The following SLC12A8 variants were observed in gnomAD, a reference collection of about 807,000 sequenced individuals.
The protein encoded by SLC12A8 is solute carrier family 12 member 8, also known as cation-chloride cotransporter 9.
SLC12A8 carries 69 observed loss-of-function variants against 75.6 expected under a neutral mutation model. The observed-to-expected ratio is 0.91, with a 90% CI of 0.75 to 1.11. The LOEUF (loss-of-function observed/expected upper bound fraction) is 1.11. SLC12A8 is among the 50% of genes most tolerant of loss of function. SLC12A8 has a pLI of 0.00. For missense variants in SLC12A8, 877 were observed against 896.7 expected, an observed-to-expected ratio of 0.98 and a Z score of 0.28; for synonymous variants, 365 against 372.8, an observed-to-expected ratio of 0.98 and a Z score of 0.24.
intron 5 of SLC12A8, among the ~76,000 whole-genome samples, chr3:125,173,357 G>T (rs972535171): frequency 6.9e-6 from 1 of 144,170 alleles, no homozygotes; most frequent in Admixed American, 7.4e-5. Flanking sequence ...CACAAATACA[G>T]TCAACTGATA....
intron 8 of SLC12A8, chr3:125,110,557 A>C: frequency 1.4e-5 from 5 of 361,520 alleles, no homozygotes; most frequent in East Asian, 4.3e-5. Flanking sequence ...TGGTCCTCAA[A>C]TGAAGCGTCT....
chr3:125,183,965 T>TTTATTATTA (rs59595900), intron 4 of SLC12A8, among the ~76,000 whole-genome samples: 3 of 150,660 alleles, frequency 2.0e-5, no homozygotes, highest in Non-Finnish European at 4.4e-5. Flanking sequence ...TGTTTTACTT[T>TTTATTATTA]TTATTATTAT....
At chr3:125,190,785 A>G (rs1056138918) in intron 2 of SLC12A8, among the ~76,000 whole-genome samples, 3 of 152,242 alleles carry the variant, frequency 2.0e-5, no homozygotes, top group African/African-American at 7.2e-5. Context: ...GCAGAGACTC[A>G]TTATTCACAA....
At chr3:125,124,526 C>T (rs1047210657) in intron 6 of SLC12A8, among the ~76,000 whole-genome samples, 5 of 152,274 alleles carry the variant, frequency 3.3e-5, no homozygotes, top group Middle Eastern at 6.8e-3. Context: ...GGGGTTTCAC[C>T]ATGTTGGCCA....
intron 13 of SLC12A8, among the ~76,000 whole-genome samples, chr3:125,084,868 T>C (rs1055885324): frequency 1.3e-5 from 2 of 152,240 alleles, no homozygotes; most frequent in African/African-American, 4.8e-5. Flanking sequence ...CTGTAAGTCA[T>C]ACCTTAGACA....
intron 5 of SLC12A8, among the ~76,000 whole-genome samples, chr3:125,173,766 G>C (rs532388344): frequency 1.3e-5 from 2 of 152,316 alleles, no homozygotes; most frequent in East Asian, 3.9e-4. Context: ...CTGATAAAGG[G>C]TTTGAATCCA....
At chr3:125,146,164 A>G (rs968736595) in intron 5 of SLC12A8, among the ~76,000 whole-genome samples, 2 of 152,166 alleles carry the variant, frequency 1.3e-5, no homozygotes, top group African/African-American at 4.8e-5. Flanking sequence ...ATTTTTATCT[A>G]TTTTTGGACC....
chr3:125,116,786 C>T (rs77922982), intron 8 of SLC12A8, among the ~76,000 whole-genome samples: 3,433 of 152,262 alleles, frequency 0.023, 142 homozygotes, highest in African/African-American at 0.076. Context: ...GCTGGTCAGC[C>T]ACTGGCAAGC....
At chr3:125,143,872 G>A (rs903578351) in intron 5 of SLC12A8, among the ~76,000 whole-genome samples, 3 of 152,306 alleles carry the variant, frequency 2.0e-5, no homozygotes, top group Middle Eastern at 3.4e-3. Context: ...CATGCCCTGC[G>A]GTCTAGGAGG....
chr3:125,109,005 A>T (rs1460420745), intron 9 of SLC12A8, among the ~76,000 whole-genome samples: 1 of 152,150 alleles, frequency 6.6e-6, no homozygotes, highest in Admixed American at 6.5e-5. Context: ...TCTTCATCAC[A>T]GTCACTGACA....
intron 8 of SLC12A8, among the ~76,000 whole-genome samples, chr3:125,115,204 GT>G (rs1273967282): frequency 2.0e-5 from 3 of 152,186 alleles, no homozygotes; most frequent in Non-Finnish European, 4.4e-5. Flanking sequence ...CTGGGAGAAA[GT>G]TCCTCTGCAG....
Position 125,149,129 on chromosome 3 carries a change from G to A in SLC12A8, c.623-13347C>T, listed in dbSNP as rs888892452. Among the ~76,000 whole-genome samples the A allele has an allele frequency of 5.9e-5, 9 of 152,300 alleles. No homozygotes were observed. In the South Asian group the frequency reaches 1.2e-3, roughly 21 times the overall value. ...TGTGGCAGGCATCCATACCCGGAAC[G>A]CCCAGCCAGGGAGTCGGGCCAGCCC... On this transcript the variant is annotated intron_variant, in intron 5 of 13. Transcript: ENST00000469902.
Position 125,138,382 on chromosome 3 carries a change from C to A in SLC12A8, c.623-2600G>T, listed in dbSNP as rs368330757. 4.6e-5 allele frequency among the ~76,000 whole-genome samples: 7 copies of A among 152,114 alleles called. 1 individual carries two copies. Among genetic ancestry groups the A allele is most frequent in the South Asian group, 2.1e-4 (1 of 4,804 alleles). On this transcript the variant is annotated intron_variant, in intron 5 of 13. Transcript: ENST00000469902. ...CACCACTGCAGTCCAGCCTGGGCAA[C>A]AGAGCAAGACTCCATCTCAATTTTT...
chr3:125,201,399 G>T (rs1935116215), intron 2 of SLC12A8, among the ~76,000 whole-genome samples: 1 of 152,000 alleles, frequency 6.6e-6, no homozygotes, highest in Non-Finnish European at 1.5e-5. Flanking sequence ...GTGAGACCCT[G>T]TCTCTAAAAA....
At chr3:125,133,365 A>G (rs1000684003) in intron 6 of SLC12A8, among the ~76,000 whole-genome samples, 75 of 100,320 alleles carry the variant, frequency 7.5e-4, no homozygotes, top group Middle Eastern at 4.7e-3. Flanking sequence ...ACACACACGC[A>G]CACACACACA....
At chr3:125,141,136 T>C (rs1933620485) in intron 5 of SLC12A8, among the ~76,000 whole-genome samples, 2 of 145,654 alleles carry the variant, frequency 1.4e-5, no homozygotes, top group South Asian at 2.2e-4. Context: ...TTGAGCTGTA[T>C]GCTTTTAGGA....
chr3:125,164,345 T>C (rs1030854515), intron 5 of SLC12A8, among the ~76,000 whole-genome samples: 1 of 152,236 alleles, frequency 6.6e-6, no homozygotes, highest in Admixed American at 6.5e-5. Flanking sequence ...CTTCCTTGTC[T>C]GTAAAACTGG....
intron 5 of SLC12A8, among the ~76,000 whole-genome samples, chr3:125,156,150 A>T (rs1314760118): frequency 6.6e-6 from 1 of 152,240 alleles, no homozygotes; most frequent in African/African-American, 2.4e-5. Flanking sequence ...GGAGTGTGCC[A>T]TCCAATGGGA....
At chr3:125,186,682 T>C (rs1934790749) in intron 4 of SLC12A8, among the ~76,000 whole-genome samples, 1 of 152,250 alleles carries the variant, frequency 6.6e-6, no homozygotes. Context: ...TCGGAGTGCC[T>C]CCGTCCATTC....
Sources: gnomAD v4.1 joint callset for allele counts (sites outside exome capture counted in the v4.1 genomes callset) on GRCh38, gnomAD v4.1.1 for gene constraint, MANE v1.5 for transcripts, NCBI Gene and HGNC (gene_info 2026-07-23, HGNC 2026-07-21) for gene names.